SYT1: variants seen among roughly 807,000 people sequenced by gnomAD.
SYT1 encodes synaptotagmin 1, also known as synaptotagmin-1.
In SYT1, 8 loss-of-function variants were observed where a neutral mutation model predicts 44.8. The observed-to-expected ratio is 0.18, with a 90% CI of 0.10 to 0.32. The LOEUF (loss-of-function observed/expected upper bound fraction) is 0.32. Among genes scored for constraint, SYT1 ranks in the 10% least tolerant of loss-of-function variants. The pLI is 1.00. For missense variants in SYT1, 286 were observed against 509.3 expected (o/e 0.56, Z 4.22); for synonymous variants, 154 against 188.8 (o/e 0.82, Z 1.51).
At chr12:78,897,643 A>G (rs571914215) in intron 1 of SYT1, among the ~76,000 whole-genome samples, 3 of 152,194 alleles carry the variant, frequency 2.0e-5, no homozygotes, top group Admixed American at 1.3e-4. Context: ...GGATCTATAT[A>G]TAACTTATTA....
At chr12:78,915,787 T>C (rs1876618370) in intron 1 of SYT1, among the ~76,000 whole-genome samples, 1 of 152,024 alleles carries the variant, frequency 6.6e-6, no homozygotes, top group Non-Finnish European at 1.5e-5. Context: ...ACTCTGCTTC[T>C]TACCATGGAT....
At chr12:78,924,241 G>A (rs1315573272) in intron 1 of SYT1, among the ~76,000 whole-genome samples, 1 of 151,838 alleles carries the variant, frequency 6.6e-6, no homozygotes, top group African/African-American at 2.4e-5. Flanking sequence ...TTATTATCGG[G>A]TTAAGGTGCT....
At chr12:78,950,772 A>G (rs1175465120) in intron 1 of SYT1, among the ~76,000 whole-genome samples, 3 of 152,062 alleles carry the variant, frequency 2.0e-5, no homozygotes, top group African/African-American at 7.2e-5. Flanking sequence ...TGTTTTCCTT[A>G]ACCACAAATC....
intron 1 of SYT1, among the ~76,000 whole-genome samples, chr12:78,938,299 A>G (rs1206885559): frequency 1.3e-5 from 2 of 152,160 alleles, no homozygotes; most frequent in Non-Finnish European, 2.9e-5. Flanking sequence ...AGATCATGCC[A>G]GTATTCAGTA....
intron 2 of SYT1, among the ~76,000 whole-genome samples, chr12:78,981,130 T>G (rs187651723): frequency 0.018 from 2,734 of 148,724 alleles, 96 homozygotes; most frequent in African/African-American, 0.064. Context: ...TCTTTGTTTT[T>G]TTTTTTTTTT....
At chr12:79,183,916 C>A (rs183344253) in intron 3 of SYT1, among the ~76,000 whole-genome samples, 1 of 152,168 alleles carries the variant, frequency 6.6e-6, no homozygotes, top group East Asian at 1.9e-4. Context: ...ATTACAATTC[C>A]TTTGCAGTGT....
chr12:78,926,471 T>C (rs1479680505), intron 1 of SYT1: 1 of 152,120 alleles, frequency 6.6e-6, no homozygotes, highest in Non-Finnish European at 1.5e-5. Flanking sequence ...AAAATTTGAA[T>C]TATTTTCCTA....
chr12:79,240,405 G>T (rs1449448396), intron 4 of SYT1, among the ~76,000 whole-genome samples: 2 of 152,172 alleles, frequency 1.3e-5, no homozygotes, highest in East Asian at 1.9e-4. Flanking sequence ...ATTTTTGCAG[G>T]GTTAGCAGCA....
At chr12:79,287,636 C>G (rs1253621889) in intron 5 of SYT1, among the ~76,000 whole-genome samples, 1 of 152,050 alleles carries the variant, frequency 6.6e-6, no homozygotes, top group South Asian at 2.1e-4. Context: ...ATTAAAATTA[C>G]TGAATAATGT....
At position 79,450,710 on chromosome 12, in the gene SYT1, C is replaced by CAGTT. The variant is rs1871009218; in HGVS notation, c.*1587_*1590dup. ...CTGCCCAAGGTGTGTGTAGCACAAACAGTTCTCATTACAAAGGACCAATTC... is the reference window on the plus strand; with the variant it reads ...CTGCCCAAGGTGTGTGTAGCACAAACAGTTAGTTCTCATTACAAAGGACCAATTC... On this transcript the variant is annotated 3_prime_UTR_variant, in exon 11 of 11. Coordinates refer to ENST00000261205, the MANE Select transcript of SYT1 (RefSeq NM_005639.3). 6.6e-6 allele frequency: 1 copy of CAGTT among 152,638 alleles called. No individual in the cohort carries two copies. Among genetic ancestry groups the CAGTT allele is most frequent in the African/African-American group, 2.4e-5 (1 of 41,434 alleles). 9.5% of individuals were successfully genotyped at this position (152,638 alleles called of 1,614,324 possible).
intron 3 of SYT1, among the ~76,000 whole-genome samples, chr12:79,153,539 A>C (rs988827069): frequency 1.1e-4 from 16 of 152,196 alleles, no homozygotes; most frequent in African/African-American, 3.9e-4. Flanking sequence ...ACTGGAAAAA[A>C]TAAACATAAG....
chr12:79,403,517 C>T (rs1022272246), intron 9 of SYT1, among the ~76,000 whole-genome samples: 1 of 152,246 alleles, frequency 6.6e-6, no homozygotes, highest in East Asian at 1.9e-4. Flanking sequence ...AATTTAATTA[C>T]TTCTTTAAAG....
Position 79,422,672 on chromosome 12 carries a change from C to T in SYT1, c.929-21401C>T, listed in dbSNP as rs574889435. Among the ~76,000 whole-genome samples the T allele has an allele frequency of 2.4e-4, 37 of 151,216 alleles. No homozygotes were observed. The East Asian group carries it at 3.1e-3, about 13-fold the overall frequency. On this transcript the variant is annotated intron_variant, in intron 9 of 10. Transcript: ENST00000261205. Reference sequence around the variant, plus strand: ...CCTGGGCTCTGCACTTTTGGTTGCTCGTGCTCTCTCTCTCTCTCTCTCTGG... The same window carrying T: ...CCTGGGCTCTGCACTTTTGGTTGCTTGTGCTCTCTCTCTCTCTCTCTCTGG...
At chr12:78,901,956 T>C (rs113937417) in intron 1 of SYT1, among the ~76,000 whole-genome samples, 40 of 151,932 alleles carry the variant, frequency 2.6e-4, no homozygotes, top group Non-Finnish European at 4.9e-4. Context: ...AAACACTGCA[T>C]ATTCTCACTC....
chr12:79,094,730 A>G (rs1195998173), intron 3 of SYT1, among the ~76,000 whole-genome samples: 1 of 151,862 alleles, frequency 6.6e-6, no homozygotes, highest in Non-Finnish European at 1.5e-5. Context: ...GTTCCATTTT[A>G]GCTTAGGAGA....
intron 4 of SYT1, among the ~76,000 whole-genome samples, chr12:79,264,419 G>C (rs1028729330): frequency 6.6e-6 from 1 of 152,050 alleles, no homozygotes; most frequent in Non-Finnish European, 1.5e-5. Context: ...AATGAAAAAT[G>C]ATCATTATAA....
intron 4 of SYT1, among the ~76,000 whole-genome samples, chr12:79,271,877 G>A (rs554629644): frequency 4.6e-5 from 7 of 152,290 alleles, no homozygotes; most frequent in Non-Finnish European, 8.8e-5. Context: ...TGGGAAGAGA[G>A]TTTATTAAGA....
chr12:79,074,207 T>G (rs762414559), intron 3 of SYT1, among the ~76,000 whole-genome samples: 32 of 152,154 alleles, frequency 2.1e-4, no homozygotes, highest in Admixed American at 5.9e-4. Flanking sequence ...AATATGTTAA[T>G]CTCATCTTTT....
intron 9 of SYT1, among the ~76,000 whole-genome samples, chr12:79,442,590 G>A (rs185117935): frequency 1.1e-4 from 17 of 152,278 alleles, no homozygotes; most frequent in Admixed American, 2.6e-4. Flanking sequence ...CCCAGGCTGA[G>A]GCCCTAAATA....
Sources: allele counts gnomAD v4.1 joint callset (sites outside exome capture counted in the v4.1 genomes callset), GRCh38; gene constraint gnomAD v4.1.1; transcripts MANE v1.5; gene names NCBI Gene and HGNC (gene_info 2026-07-23, HGNC 2026-07-21).